The following LYPLA2 variants were observed in gnomAD, a reference collection of about 807,000 sequenced individuals.
LYPLA2 encodes the protein lysophospholipase 2.
LYPLA2 carries 7 observed loss-of-function variants against 30.3 expected under a neutral mutation model. The ratio of observed to expected loss-of-function variants is 0.23; its 90% CI spans 0.13 to 0.43. The LOEUF (loss-of-function observed/expected upper bound fraction) is 0.43, where lower values mean the gene tolerates loss of function less well. Ranked by LOEUF, LYPLA2 falls within the 20% of genes least tolerant of loss-of-function variation. The probability of loss-of-function intolerance (pLI) is 1.00; values close to 1 mark genes in which losing one functional copy is unlikely to be tolerated. For synonymous variants in LYPLA2, 112 were observed against 118.2 expected, an observed-to-expected ratio of 0.95 and a Z score of 0.34; for missense variants, 206 against 307.9, an observed-to-expected ratio of 0.67 and a Z score of 2.48.
In LYPLA2 at chr1:23,794,163, G is replaced by T. The variant is rs774988660; in HGVS notation, c.369+27G>T. The stretch of plus-strand genomic sequence containing the variant: ...TGAGGGGAGAGGGGTGGGGGGGTAG[G>T]GGGTAGGGGTGGCCGGTGAGTGAGC... On this transcript the variant is annotated intron_variant, in intron 7 of 9. Transcript: ENST00000374514. This position sits in a 1 kb window ranked among gnomAD's most constrained non-coding sequence, Gnocchi z 5.9. The T allele has an allele frequency of 3.0e-6, 3 of 986,924 alleles. No individual in the cohort carries two copies. Among genetic ancestry groups the T allele is most frequent in the East Asian group, 2.5e-5 (1 of 40,660 alleles). 61.1% of individuals were successfully genotyped at this position (986,924 alleles called of 1,614,324 possible).
chr1:23,793,536 C>T lies in LYPLA2; in HGVS notation c.177-169C>T, dbSNP rs1055841545. 1.4e-5 allele frequency: 10 copies of T among 733,626 alleles called. No homozygotes were observed. In the African/African-American group the frequency reaches 1.7e-4, roughly 13 times the overall value. The allele number at this position is 733,626 out of a possible 1,614,324, so 45.4% of individuals were successfully genotyped here. ...GCTTCTCCATTACTGGCGCTTTGCC[C>T]CAACCACAGCCTCCAGCCCCACGTG... is the stretch of plus-strand genomic sequence containing the variant. On this transcript the variant is annotated intron_variant, in intron 4 of 9. Coordinates refer to ENST00000374514, the MANE Select transcript of LYPLA2 (RefSeq NM_007260.3). This position sits in a 1 kb window ranked among gnomAD's most constrained non-coding sequence, Gnocchi z 6.0.
In LYPLA2 at chr1:23,794,830, A is replaced by C. The variant is rs1570626236; in HGVS notation, c.*98A>C. 1 of 1,353,596 alleles carries C rather than the reference A, an allele frequency of 7.4e-7. No individual in the cohort carries two copies. Among genetic ancestry groups the C allele is most frequent in the Non-Finnish European group, 1.0e-6 (1 of 962,418 alleles). 83.8% of individuals were successfully genotyped at this position (1,353,596 alleles called of 1,614,324 possible). A position where few individuals can be genotyped will look rare whatever the true frequency, so the allele number is the denominator to read the frequency against. ...CTGAGCCGGTCGAGCCCCTGTCCCCACCCTTCCTGACCTGTCCTTTTCCCA... is the reference window on the plus strand; with the variant it reads ...CTGAGCCGGTCGAGCCCCTGTCCCCCCCCTTCCTGACCTGTCCTTTTCCCA... On this transcript the variant is annotated 3_prime_UTR_variant, in exon 10 of 10. Transcript: ENST00000374514. The surrounding 1 kb of genome is among the most constrained non-coding windows in gnomAD (Gnocchi z 5.9).
rs1000581853 is a variant in LYPLA2, at chr1:23,795,229, CCT to C, written c.*498_*499del. 1 of 288,740 alleles carries C rather than the reference CCT, an allele frequency of 3.5e-6. No homozygotes were observed. The highest frequency in any genetic ancestry group is 2.2e-5 in the African/African-American group (1 of 45,182). The allele number at this position is 288,740 out of a possible 1,614,324, so 17.9% of individuals were successfully genotyped here. A position where few individuals can be genotyped will look rare whatever the true frequency, so the allele number is the denominator to read the frequency against. ...GGGGTCCCCTTGCTGCTGTGGGCTC[CCT>C]GTCCCTGGGCAGGAGTGCTGGTGAG... On this transcript the variant is annotated 3_prime_UTR_variant, in exon 10 of 10. Coordinates refer to ENST00000374514, the MANE Select transcript of LYPLA2 (RefSeq NM_007260.3).
At position 23,792,710 on chromosome 1, in the gene LYPLA2, C is replaced by G; in HGVS notation, c.28C>G (p.Leu10Val). 1.9e-6 allele frequency: 3 copies of G among 1,612,114 alleles called. No individual in the cohort carries two copies. In the South Asian group the frequency reaches 3.3e-5, roughly 18 times the overall value. The change falls in exon 2 of 10, where the codon CTG becomes GTG. Residue 10 changes from leucine to valine, a missense_variant. Transcript: ENST00000374514. The part of the protein sequence containing the change: MCGNTMSVP[L>V]LTDAATVSGA... Reference sequence around the variant, plus strand: ...GTGTGGTAACACCATGTCTGTGCCCCTGCTCACCGATGCTGCCACCGTGTC... The same window carrying G: ...GTGTGGTAACACCATGTCTGTGCCCGTGCTCACCGATGCTGCCACCGTGTC...
rs376678823 is a variant in LYPLA2, at chr1:23,794,607, G to C, written c.645+7G>C. On this transcript the variant is annotated splice_region_variant and intron_variant, in intron 9 of 9. Transcript: ENST00000374514. This position sits in a 1 kb window ranked among gnomAD's most constrained non-coding sequence, Gnocchi z 5.9. ...GCACAGCTCCTGTCCTCAGGTCAGT[G>C]GGGGGACCATTTCCCACTCCCACTT... The C allele has an allele frequency of 6.2e-7, 1 of 1,614,020 alleles. No homozygotes were observed. Among genetic ancestry groups the C allele is most frequent in the East Asian group, 2.2e-5 (1 of 44,880 alleles).
chr1:23,792,446 G>A (rs941942472), intron 1 of LYPLA2: 12 of 558,616 alleles, frequency 2.1e-5, no homozygotes, highest in Admixed American at 1.6e-4. Context: ...AGAGACACAT[G>A]TTCTGGGCCA....
Position 23,794,328 on chromosome 1 carries a change from G to C in LYPLA2, c.471+3G>C. 6 of 1,611,166 alleles carry C rather than the reference G, an allele frequency of 3.7e-6. No homozygotes were observed. The highest frequency in any genetic ancestry group is 5.1e-6 in the Non-Finnish European group (6 of 1,178,212). On this transcript the variant is annotated splice_donor_region_variant and intron_variant, in intron 8 of 9. Coordinates refer to ENST00000374514, the MANE Select transcript of LYPLA2 (RefSeq NM_007260.3). This position sits in a 1 kb window ranked among gnomAD's most constrained non-coding sequence, Gnocchi z 5.9. ...CTCTGCACCGGGCCTTCCCCCAGGT[G>C]AATGTCCCCACTGACCCCCCCGCCC...
Position 23,794,048 on chromosome 1 carries a change from T to C in LYPLA2, c.296-15T>C. 6.2e-7 allele frequency: 1 copy of C among 1,609,824 alleles called. No homozygotes were observed. The highest frequency in any genetic ancestry group is 1.3e-5 in the African/African-American group (1 of 74,620). On this transcript the variant is annotated splice_polypyrimidine_tract_variant and intron_variant, in intron 6 of 9. Coordinates refer to ENST00000374514, the MANE Select transcript of LYPLA2 (RefSeq NM_007260.3). The surrounding 1 kb of genome is among the most constrained non-coding windows in gnomAD (Gnocchi z 5.9). ...TTGGCAGCTTCCCTCTACCCACTCA[T>C]GCCCCCTCCCCCAGTCAAGGCCTTG...
At position 23,793,313 on chromosome 1, in the gene LYPLA2, G is replaced by GA; in HGVS notation, c.176+97_176+98insA. 7.6e-7 allele frequency: 1 copy of GA among 1,315,890 alleles called. No individual in the cohort carries two copies. The highest frequency in any genetic ancestry group is 1.1e-6 in the Non-Finnish European group (1 of 922,590). 81.5% of individuals were successfully genotyped at this position (1,315,890 alleles called of 1,614,324 possible). On this transcript the variant is annotated intron_variant, in intron 4 of 9. Transcript: ENST00000374514. The surrounding 1 kb of genome is among the most constrained non-coding windows in gnomAD (Gnocchi z 6.0). ...TGTTCTCTCCTGTCAGTTGCATCCT[G>GA]GGGCTTGGGCTCAGGGCAGTCAGAA...
At position 23,794,211 on chromosome 1, in the gene LYPLA2, C is replaced by G. The variant is rs374287759; in HGVS notation, c.370-13C>G. The stretch of plus-strand genomic sequence containing the variant: ...AGCTGTGCCCTCATGACCCCTCTCT[C>G]TCCTCCCTCCAGGGCGGGGCCCTGT... On this transcript the variant is annotated splice_polypyrimidine_tract_variant and intron_variant, in intron 7 of 9. Transcript: ENST00000374514. The surrounding 1 kb of genome is among the most constrained non-coding windows in gnomAD (Gnocchi z 5.9). 13 of 1,604,608 alleles carry G rather than the reference C, an allele frequency of 8.1e-6. No homozygotes were observed. In the African/African-American group the frequency reaches 1.7e-4, roughly 21 times the overall value.
Position 23,793,778 on chromosome 1 carries a change from G to A in LYPLA2, c.224+26G>A. The A allele has an allele frequency of 1.2e-6, 2 of 1,613,756 alleles. No individual in the cohort carries two copies. The highest frequency in any genetic ancestry group is 2.2e-5 in the South Asian group (2 of 91,080). ...GTGAGTTTGGGAGTGGGGGTGGGCA[G>A]GGGGACGAGGACACTTGGGCTGAGG... On this transcript the variant is annotated intron_variant, in intron 5 of 9. Coordinates refer to ENST00000374514, the MANE Select transcript of LYPLA2 (RefSeq NM_007260.3). The surrounding 1 kb of genome is among the most constrained non-coding windows in gnomAD (Gnocchi z 6.0).
At position 23,793,264 on chromosome 1, in the gene LYPLA2, G is replaced by A; in HGVS notation, c.176+48G>A. The A allele has an allele frequency of 6.3e-7, 1 of 1,576,396 alleles. No homozygotes were observed. Among genetic ancestry groups the A allele is most frequent in the Non-Finnish European group, 8.7e-7 (1 of 1,147,626 alleles). ...AGGGGCTGAGGCTGGGGATCATCTG[G>A]GGGTGGTCCTGTCATCCCAGGCCTG... is the stretch of plus-strand genomic sequence containing the variant. On this transcript the variant is annotated intron_variant, in intron 4 of 9. Transcript: ENST00000374514. The surrounding 1 kb of genome is among the most constrained non-coding windows in gnomAD (Gnocchi z 6.0).
In LYPLA2 at chr1:23,794,060, C is replaced by G. The variant is rs757623964; in HGVS notation, c.296-3C>G. 1 of 1,613,134 alleles carries G rather than the reference C, an allele frequency of 6.2e-7. No individual in the cohort carries two copies. Among genetic ancestry groups the G allele is most frequent in the African/African-American group, 1.3e-5 (1 of 74,706 alleles). On this transcript the variant is annotated splice_polypyrimidine_tract_variant and splice_region_variant and intron_variant, in intron 6 of 9. Coordinates refer to ENST00000374514, the MANE Select transcript of LYPLA2 (RefSeq NM_007260.3). This position sits in a 1 kb window ranked among gnomAD's most constrained non-coding sequence, Gnocchi z 5.9. ...CTCTACCCACTCATGCCCCCTCCCCCAGTCAAGGCCTTGATTGAGCATGAA... is the reference window on the plus strand; with the variant it reads ...CTCTACCCACTCATGCCCCCTCCCCGAGTCAAGGCCTTGATTGAGCATGAA...
In LYPLA2 at chr1:23,792,712, G is replaced by T. The variant is rs1225944186; in HGVS notation, c.30G>T (p.Leu10=). ...GTGGTAACACCATGTCTGTGCCCCTGCTCACCGATGCTGCCACCGTGTCTG... is the reference window on the plus strand; with the variant it reads ...GTGGTAACACCATGTCTGTGCCCCTTCTCACCGATGCTGCCACCGTGTCTG... MCGNTMSVP[L]LTDAATVSGA... Residue 10 remains leucine, a synonymous_variant, in exon 2 of 10, where the codon CTG becomes CTT. Transcript: ENST00000374514. 3.7e-5 allele frequency: 59 copies of T among 1,612,002 alleles called. No homozygotes were observed. The highest frequency in any genetic ancestry group is 4.7e-5 in the Non-Finnish European group (55 of 1,179,928).
In LYPLA2 at chr1:23,795,179, C is replaced by CA; in HGVS notation, c.*448dup. 2 of 329,648 alleles carry CA rather than the reference C, an allele frequency of 6.1e-6. No homozygotes were observed. Among genetic ancestry groups the CA allele is most frequent in the Non-Finnish European group, 1.2e-5 (2 of 167,158 alleles). 20.4% of individuals were successfully genotyped at this position (329,648 alleles called of 1,614,324 possible). On this transcript the variant is annotated 3_prime_UTR_variant, in exon 10 of 10. Coordinates refer to ENST00000374514, the MANE Select transcript of LYPLA2 (RefSeq NM_007260.3). ...CTCCTGCCTCCACTCAGCTGCTTCT[C>CA]AGTCATGAATGTGGCCATGGCCCCG... is the stretch of plus-strand genomic sequence containing the variant.
At position 23,793,958 on chromosome 1, in the gene LYPLA2, C is replaced by T. The variant is rs757789940; in HGVS notation, c.295+28C>T. 1.1e-5 allele frequency: 17 copies of T among 1,604,310 alleles called. No individual in the cohort carries two copies. The South Asian group carries it at 1.8e-4, about 17-fold the overall frequency. On this transcript the variant is annotated intron_variant, in intron 6 of 9. Transcript: ENST00000374514. This position sits in a 1 kb window ranked among gnomAD's most constrained non-coding sequence, Gnocchi z 6.0. Reference sequence around the variant, plus strand: ...AAGACCCCAGCCCCTCCTCCACATCCTCCTTCCCCTGCCCCCCAGGAAAGC... The same window carrying T: ...AAGACCCCAGCCCCTCCTCCACATCTTCCTTCCCCTGCCCCCCAGGAAAGC...
At position 23,793,897 on chromosome 1, in the gene LYPLA2, G is replaced by A; in HGVS notation, c.262G>A (p.Asp88Asn). ...LMGLSPDAPE[D>N]EAGIKKAAEN... ...GGGGCTGAGTCCAGATGCCCCAGAG[G>A]ACGAGGCTGGCATCAAGAAGGCAGC... The change falls in exon 6 of 10, where the codon GAC becomes AAC. Residue 88 changes from aspartate (D) to asparagine (N), a missense_variant. Asp to Asn is a conservative substitution (Grantham distance 23). Coordinates refer to ENST00000374514, the MANE Select transcript of LYPLA2 (RefSeq NM_007260.3). This position sits in a 1 kb window ranked among gnomAD's most constrained non-coding sequence, Gnocchi z 6.0. The A allele has an allele frequency of 6.2e-7, 1 of 1,614,044 alleles. No homozygotes were observed. The highest frequency in any genetic ancestry group is 8.5e-7 in the Non-Finnish European group (1 of 1,179,972).
rs1418927354 is a variant in LYPLA2 at position 23,794,339 on chromosome 1, C to G, written c.471+14C>G. 8.1e-6 allele frequency: 13 copies of G among 1,601,030 alleles called. No individual in the cohort carries two copies. The South Asian group carries it at 1.2e-4, about 15-fold the overall frequency. On this transcript the variant is annotated intron_variant, in intron 8 of 9. Coordinates refer to ENST00000374514, the MANE Select transcript of LYPLA2 (RefSeq NM_007260.3). This position sits in a 1 kb window ranked among gnomAD's most constrained non-coding sequence, Gnocchi z 5.9. ...GCCTTCCCCCAGGTGAATGTCCCCA[C>G]TGACCCCCCCGCCCTTTGTGTCTGC...
In LYPLA2 at chr1:23,793,123, G is replaced by C; in HGVS notation, c.111-28G>C. The C allele has an allele frequency of 6.2e-7, 1 of 1,613,850 alleles. No individual in the cohort carries two copies. The highest frequency in any genetic ancestry group is 8.5e-7 in the Non-Finnish European group (1 of 1,179,774). ...AGAGGCCTTCTCTTCCTACCACATCGGAGCCTTTTCTCCCGTCCCTCCTAC... is the reference window on the plus strand; with the variant it reads ...AGAGGCCTTCTCTTCCTACCACATCCGAGCCTTTTCTCCCGTCCCTCCTAC... On this transcript the variant is annotated intron_variant, in intron 3 of 9. Coordinates refer to ENST00000374514, the MANE Select transcript of LYPLA2 (RefSeq NM_007260.3). The surrounding 1 kb of genome is among the most constrained non-coding windows in gnomAD (Gnocchi z 6.0).
Sources: allele counts gnomAD v4.1 joint callset, GRCh38; gene constraint gnomAD v4.1.1; non-coding constraint Gnocchi (gnomAD v3.1); transcripts MANE v1.5; gene names NCBI Gene and HGNC (gene_info 2026-07-23, HGNC 2026-07-21).